The following TRMT44 variants were observed in gnomAD, a reference collection of about 807,000 sequenced individuals.
TRMT44 encodes the protein tRNA methyltransferase 44 homolog, also known as probable tRNA (uracil-O(2)-)-methyltransferase.
In TRMT44, 78 loss-of-function variants were observed where a neutral mutation model predicts 77.3. The ratio of observed to expected loss-of-function variants is 1.01; its 90% CI spans 0.84 to 1.22. The LOEUF (loss-of-function observed/expected upper bound fraction) is 1.22. Among genes scored for constraint, TRMT44 ranks in the 50% most tolerant of loss-of-function variants. The pLI, the probability that TRMT44 is intolerant of heterozygous loss-of-function variation, is 0.00. For missense variants in TRMT44, 1,090 were observed against 964.4 expected, an observed-to-expected ratio of 1.13 and a Z score of -1.73; for synonymous variants, 391 against 383.3, an observed-to-expected ratio of 1.02 and a Z score of -0.23.
At chr4:8,482,792 G>C in intron 2 of TRMT44, among the ~76,000 whole-genome samples, 1 of 151,966 alleles carries the variant, frequency 6.6e-6, no homozygotes, top group Non-Finnish European at 1.5e-5. Context: ...GGGCATATAC[G>C]TGCAAGTCAC....
Position 8,452,763 on chromosome 4 carries a change from A to T in TRMT44, c.1024-119A>T. 1 of 549,444 alleles carries T rather than the reference A, an allele frequency of 1.8e-6. No homozygotes were observed. Among genetic ancestry groups the T allele is most frequent in the Non-Finnish European group, 3.1e-6 (1 of 318,118 alleles). 34.0% of individuals were successfully genotyped at this position (549,444 alleles called of 1,614,324 possible). ...AAAAGAAAAAAAAAAAAGAATGTTTAGTGTAGATGATTTCAAGTTTCCTTT... is the reference window on the plus strand; with the variant it reads ...AAAAGAAAAAAAAAAAAGAATGTTTTGTGTAGATGATTTCAAGTTTCCTTT... On this transcript the variant is annotated intron_variant, in intron 4 of 10. Transcript: ENST00000389737. The surrounding 1 kb of genome is among the most constrained non-coding windows in gnomAD (Gnocchi z 5.7).
chr4:8,471,653 CCT>C (rs1039890309), intron 10 of TRMT44, among the ~76,000 whole-genome samples: 3 of 152,246 alleles, frequency 2.0e-5, no homozygotes, highest in African/African-American at 7.2e-5. Flanking sequence ...GGCCTGGACT[CCT>C]GTGGCCCTCG....
intron 2 of TRMT44, among the ~76,000 whole-genome samples, chr4:8,491,326 T>G (rs1253745355): frequency 6.6e-6 from 1 of 152,208 alleles, no homozygotes; most frequent in Non-Finnish European, 1.5e-5. Context: ...CCCACCAGAC[T>G]CAGGAGCCCA....
At chr4:8,441,739 C>G (rs1461154942) in intron 1 of TRMT44, among the ~76,000 whole-genome samples, 1 of 152,074 alleles carries the variant, frequency 6.6e-6, no homozygotes, top group East Asian at 1.9e-4. Flanking sequence ...TGTTGGGGAC[C>G]AGCCTCAACA....
chr4:8,484,862 T>A (rs1359261810), intron 2 of TRMT44, among the ~76,000 whole-genome samples: 1 of 152,024 alleles, frequency 6.6e-6, no homozygotes, highest in African/African-American at 2.4e-5. Flanking sequence ...TTTGAGAGAT[T>A]AGTTGGACAT....
At chr4:8,473,957 C>T (rs560531295) in intron 10 of TRMT44, among the ~76,000 whole-genome samples, 3 of 152,198 alleles carry the variant, frequency 2.0e-5, no homozygotes, top group Admixed American at 6.5e-5. Flanking sequence ...CTATCATCAG[C>T]GCCCGCTCCT....
chr4:8,466,329 C>T (rs1210119967), intron 8 of TRMT44, among the ~76,000 whole-genome samples: 10 of 148,720 alleles, frequency 6.7e-5, no homozygotes, highest in Admixed American at 5.3e-4. Context: ...TCGGGCTGAT[C>T]GCGGAGCTCC....
the TRMT44 span, among the ~76,000 whole-genome samples, chr4:8,509,957 G>A: frequency 6.6e-6 from 1 of 152,206 alleles, no homozygotes; most frequent in Non-Finnish European, 1.5e-5. Context: ...GCCAGGTGGG[G>A]TGGAGTGTGA....
chr4:8,471,068 A>AC lies in TRMT44; in HGVS notation c.1928-13dup, dbSNP rs755867024. 1 of 1,560,320 alleles carries AC rather than the reference A, an allele frequency of 6.4e-7. No homozygotes were observed. Among genetic ancestry groups the AC allele is most frequent in the Non-Finnish European group, 8.7e-7 (1 of 1,154,068 alleles). ...TGCTGTTGTTTTGGGGAAAAAAAAA[A>AC]CCCGTTTTTCCACAGAGAGCCTATC... On this transcript the variant is annotated splice_polypyrimidine_tract_variant and intron_variant, in intron 9 of 10. Coordinates refer to ENST00000389737, the MANE Select transcript of TRMT44 (RefSeq NM_152544.3).
intron 2 of TRMT44, among the ~76,000 whole-genome samples, chr4:8,482,848 G>A (rs1646622666): frequency 6.9e-6 from 1 of 144,638 alleles, no homozygotes; most frequent in East Asian, 2.1e-4. Flanking sequence ...TGACATTCCT[G>A]CCTTCTTATA....
intron 10 of TRMT44, among the ~76,000 whole-genome samples, chr4:8,475,482 C>T (rs953400737): frequency 1.4e-4 from 22 of 152,314 alleles, no homozygotes; most frequent in Middle Eastern, 3.4e-3. Context: ...CTGGGACACT[C>T]GGGTTTGCTG....
At chr4:8,460,972 C>T (rs144171948) in intron 6 of TRMT44, among the ~76,000 whole-genome samples, 2 of 152,174 alleles carry the variant, frequency 1.3e-5, no homozygotes, top group South Asian at 2.1e-4. Flanking sequence ...CCTCAGCCTC[C>T]GAGTAGCTGG....
chr4:8,445,505 C>T (rs143588098), intron 1 of TRMT44, among the ~76,000 whole-genome samples: 35 of 152,380 alleles, frequency 2.3e-4, no homozygotes, highest in Non-Finnish European at 3.5e-4. Flanking sequence ...CCTGAGCACA[C>T]GCCTGCCCTA....
chr4:8,460,139 C>A (rs756595597), intron 6 of TRMT44, among the ~76,000 whole-genome samples: 10 of 152,124 alleles, frequency 6.6e-5, no homozygotes, highest in Non-Finnish European at 1.2e-4. Context: ...GAAAATGACT[C>A]CCTAATGGGA....
At chr4:8,490,357 G>A (rs530061314) in intron 2 of TRMT44, among the ~76,000 whole-genome samples, 1 of 151,828 alleles carries the variant, frequency 6.6e-6, no homozygotes, top group South Asian at 2.1e-4. Context: ...TGTTCCTTCT[G>A]ATGCTCAGAT....
Position 8,476,140 on chromosome 4 carries a change from A to G in TRMT44, c.*139A>G. The G allele has an allele frequency of 1.4e-6, 1 of 733,974 alleles. No individual in the cohort carries two copies. The highest frequency in any genetic ancestry group is 1.8e-5 in the South Asian group (1 of 55,464). 45.5% of individuals were successfully genotyped at this position (733,974 alleles called of 1,614,324 possible). A position where few individuals can be genotyped will look rare whatever the true frequency, so the allele number is the denominator to read the frequency against. On this transcript the variant is annotated 3_prime_UTR_variant, in exon 11 of 11. Transcript: ENST00000389737. ...CAGCTTTCTCCACATCCTCACAGTG[A>G]TGAACCGTATTTCATAAACATCACA...
Position 8,441,307 on chromosome 4 carries a change from C to A in TRMT44, c.485C>A (p.Ala162Asp), listed in dbSNP as rs61733546. 1.4e-4 allele frequency: 218 copies of A among 1,535,604 alleles called. No individual in the cohort carries two copies. The African/African-American group carries it at 2.4e-3, about 17-fold the overall frequency. ...GCCCGTGGCAATTCGGAGTTGCTGGCCTTCCTCACCAGCTCCGGGGCGGGA... is the reference window on the plus strand; with the variant it reads ...GCCCGTGGCAATTCGGAGTTGCTGGACTTCCTCACCAGCTCCGGGGCGGGA... ...SLARGNSELL[A>D]FLTSSGAGSQ... The change falls in exon 1 of 11, where the codon GCC becomes GAC. Residue 162 changes from alanine to aspartate, a missense_variant. Coordinates refer to ENST00000389737, the MANE Select transcript of TRMT44 (RefSeq NM_152544.3).
intron 8 of TRMT44, 115 bp downstream of exon 8, chr4:8,465,676 G>A: frequency 1.1e-6 from 1 of 933,870 alleles, no homozygotes; most frequent in Non-Finnish European, 1.6e-6. Flanking sequence ...TCTAGAACGT[G>A]CCGGTGCTGA....
At chr4:8,464,676 C>T (rs900585001) in intron 7 of TRMT44, among the ~76,000 whole-genome samples, 3 of 152,194 alleles carry the variant, frequency 2.0e-5, no homozygotes, top group Non-Finnish European at 4.4e-5. Flanking sequence ...GTTGTGCTTC[C>T]CTTTAACCGT....
Sources: gnomAD v4.1 joint callset for allele counts (sites outside exome capture counted in the v4.1 genomes callset) on GRCh38, gnomAD v4.1.1 for gene constraint, Gnocchi (gnomAD v3.1) non-coding constraint, MANE v1.5 for transcripts, NCBI Gene and HGNC (gene_info 2026-07-23, HGNC 2026-07-21) for gene names.